The following TEK variants were observed in gnomAD, a reference collection of about 807,000 sequenced individuals.
TEK encodes TEK receptor tyrosine kinase.
TEK carries 43 observed loss-of-function variants against 131.8 expected under a neutral mutation model. That is an observed-to-expected ratio of 0.33 (90% CI 0.26 to 0.42). The LOEUF is 0.42. Among genes scored for constraint, TEK ranks in the 10% least tolerant of loss-of-function variants. TEK has a pLI of 1.00. For missense variants in TEK, 1,162 were observed against 1,384.4 expected, an observed-to-expected ratio of 0.84 and a Z score of 2.55; for synonymous variants, 580 against 491.6, an observed-to-expected ratio of 1.18 and a Z score of -2.38.
At chr9:27,165,121 G>T (rs1001730032) in intron 2 of TEK, among the ~76,000 whole-genome samples, 1 of 151,336 alleles carries the variant, frequency 6.6e-6, no homozygotes, top group Non-Finnish European at 1.5e-5. Flanking sequence ...TAAGAAAACA[G>T]GAGGTTAAAA....
chr9:27,216,445 G>C (rs1294137549), intron 18 of TEK, among the ~76,000 whole-genome samples: 1 of 152,154 alleles, frequency 6.6e-6, no homozygotes, highest in Non-Finnish European at 1.5e-5. Context: ...AAGCCAGCAG[G>C]CTGGGAGTGA....
rs887479228 is a variant in TEK at position 27,229,922 on chromosome 9, T to C, written c.*690T>C. The C allele has an allele frequency of 6.6e-6, 1 of 152,324 alleles. No individual in the cohort carries two copies. The highest frequency in any genetic ancestry group is 1.5e-5 in the Non-Finnish European group (1 of 68,130). 9.4% of individuals were successfully genotyped at this position (152,324 alleles called of 1,614,324 possible). A position where few individuals can be genotyped will look rare whatever the true frequency, so the allele number is the denominator to read the frequency against. On this transcript the variant is annotated 3_prime_UTR_variant, in exon 23 of 23. Coordinates refer to ENST00000380036, the MANE Select transcript of TEK (RefSeq NM_000459.5). ...GAATCTTTAGAGAAGTATACATAAG[T>C]TTAGGATAAAATAATGGGATTTTCT...
intron 21 of TEK, among the ~76,000 whole-genome samples, chr9:27,222,397 A>T (rs1313505880): frequency 6.6e-6 from 1 of 152,170 alleles, no homozygotes; most frequent in Non-Finnish European, 1.5e-5. Context: ...GAGCAACCCC[A>T]AGACACATAA....
chr9:27,180,028 G>A (rs1587558616), intron 6 of TEK, among the ~76,000 whole-genome samples: 1 of 152,142 alleles, frequency 6.6e-6, no homozygotes. Flanking sequence ...GTACCTACAA[G>A]AAAGTTGGCA....
At chr9:27,201,291 T>C (rs1242847336) in intron 12 of TEK, among the ~76,000 whole-genome samples, 1 of 152,234 alleles carries the variant, frequency 6.6e-6, no homozygotes, top group Non-Finnish European at 1.5e-5. Flanking sequence ...ACAAAAATTA[T>C]ATTCATTATT....
rs1453835081 is a variant in TEK, at chr9:27,229,148, A to G, written c.3301-10A>G. 3.1e-6 allele frequency: 5 copies of G among 1,613,592 alleles called. No homozygotes were observed. Among genetic ancestry groups the G allele is most frequent in the Non-Finnish European group, 4.2e-6 (5 of 1,179,550 alleles). On this transcript the variant is annotated splice_polypyrimidine_tract_variant and intron_variant, in intron 22 of 22. Transcript: ENST00000380036. ...CAGCCTATGTCTCTGAACCATTTTC[A>G]TTCTTCCAGACCTACGTGAATACCA...
chr9:27,169,374 T>A, intron 3 of TEK, 103 bp from the exon 4 acceptor site: 1 of 1,495,058 alleles, frequency 6.7e-7, no homozygotes, highest in Non-Finnish European at 9.3e-7. Context: ...GAGAGCACAT[T>A]TTCTTGACCA....
rs765219714 is a variant in TEK at position 27,136,085 on chromosome 9, A to ATTTGTTT, written c.53-21743_53-21742insGTTTTTT. Among the ~76,000 whole-genome samples, 13 of 137,022 alleles carry ATTTGTTT rather than the reference A, an allele frequency of 9.5e-5. No homozygotes were observed. In the Admixed American group the frequency reaches 9.9e-4, roughly 10 times the overall value. 89.9% of individuals were successfully genotyped at this position (137,022 alleles called of 152,430 possible). ...TCCTCTGTGAATTCCCAGGGCAGTT[A>ATTTGTTT]TTTTTTTTTTTTTTGAGATGGAGTC... On this transcript the variant is annotated intron_variant, in intron 1 of 22. Transcript: ENST00000380036.
chr9:27,116,903 C>T (rs1821584504), intron 1 of TEK, among the ~76,000 whole-genome samples: 1 of 150,660 alleles, frequency 6.6e-6, no homozygotes, highest in South Asian at 2.1e-4. Context: ...GCTCAGTCCC[C>T]CAGGCTGGAG....
intron 21 of TEK, among the ~76,000 whole-genome samples, chr9:27,227,357 T>C (rs184004816): frequency 4.6e-5 from 7 of 152,334 alleles, no homozygotes; most frequent in Non-Finnish European, 1.0e-4. Context: ...AAGATATAAA[T>C]ACATGATGCA....
At chr9:27,220,000 T>C (rs1825997937) in intron 20 of TEK, 49 bp from the exon 21 acceptor site, 3 of 1,588,710 alleles carry the variant, frequency 1.9e-6, no homozygotes, top group East Asian at 4.5e-5. Context: ...ACAGGAAGCA[T>C]TGCTTTTCAT....
chr9:27,215,731 A>G (rs112958343), intron 18 of TEK, among the ~76,000 whole-genome samples: 5 of 152,218 alleles, frequency 3.3e-5, no homozygotes, highest in African/African-American at 1.2e-4. Context: ...TTGGGGTAAC[A>G]TAAGTCAGAC....
intron 1 of TEK, among the ~76,000 whole-genome samples, chr9:27,137,821 T>C (rs1822540944): frequency 6.6e-6 from 1 of 152,034 alleles, no homozygotes; most frequent in Non-Finnish European, 1.5e-5. Flanking sequence ...TCTCTGCCTT[T>C]CCTGGTTGTA....
chr9:27,155,824 T>G lies in TEK; in HGVS notation c.53-2007T>G, dbSNP rs541299712. 3.3e-5 allele frequency among the ~76,000 whole-genome samples: 5 copies of G among 151,984 alleles called. No individual in the cohort carries two copies. The South Asian group carries it at 1.0e-3, about 32-fold the overall frequency. ...AGACTCGGGGGAGCACTTTTGTTTT[T>G]TTTTTTTTTTGAGACAGAATTTTGC... On this transcript the variant is annotated intron_variant, in intron 1 of 22. Transcript: ENST00000380036.
Position 27,222,260 on chromosome 9 carries a change from G to A in TEK, c.3200+2115G>A, listed in dbSNP as rs550521342. ...AAAGACCAAACCTGAAAGTGATGGG[G>A]AGAATGGAACCAAGTTGGAAAACCC... On this transcript the variant is annotated intron_variant, in intron 21 of 22. Coordinates refer to ENST00000380036, the MANE Select transcript of TEK (RefSeq NM_000459.5). 8.5e-5 allele frequency among the ~76,000 whole-genome samples: 13 copies of A among 152,254 alleles called. No homozygotes were observed. In the South Asian group the frequency reaches 2.1e-3, roughly 24 times the overall value.
Position 27,214,472 on chromosome 9 carries a change from C to A in TEK, c.2991+875C>A, listed in dbSNP as rs74352497. Among the ~76,000 whole-genome samples, 641 of 152,272 alleles carry A rather than the reference C, an allele frequency of 4.2e-3. 4 individuals are homozygous for A. The highest frequency in any genetic ancestry group is 0.014 in the African/African-American group (602 of 41,554). On this transcript the variant is annotated intron_variant, in intron 18 of 22. Transcript: ENST00000380036. ...TCATAAGATATAGACAATCTTTTTG[C>A]TTTTGTGGGCACACCAAATTGTCTC...
chr9:27,111,869 C>G (rs527403418), intron 1 of TEK, among the ~76,000 whole-genome samples: 13 of 149,176 alleles, frequency 8.7e-5, no homozygotes, highest in African/African-American at 3.2e-4. Flanking sequence ...TAGTCTCATG[C>G]TTTCATACCT....
intron 1 of TEK, among the ~76,000 whole-genome samples, chr9:27,148,500 C>T (rs7871282): frequency 0.048 from 7,344 of 152,228 alleles, 617 homozygotes; most frequent in African/African-American, 0.17. Context: ...TTAGTCTTGG[C>T]GTCTCCTCAT....
At chr9:27,219,769 A>ATTGGTATAATAGATGT (rs1825986089) in intron 20 of TEK, among the ~76,000 whole-genome samples, 1 of 138,024 alleles carries the variant, frequency 7.2e-6, no homozygotes, top group East Asian at 2.1e-4. Context: ...GGTTAATCTT[A>ATTGGTATAATAGATGT]TTGGTATAAT....
Sources: allele counts gnomAD v4.1 joint callset (sites outside exome capture counted in the v4.1 genomes callset), GRCh38; gene constraint gnomAD v4.1.1; transcripts MANE v1.5; gene names NCBI Gene and HGNC (gene_info 2026-07-23, HGNC 2026-07-21).